The following PANK1 variants were observed in gnomAD, a reference collection of about 807,000 sequenced individuals.
PANK1 encodes pantothenate kinase 1.
A neutral mutation model predicts 40.1 loss-of-function variants in PANK1; 18 were observed. The ratio of observed to expected loss-of-function variants is 0.45; its 90% CI spans 0.31 to 0.67. PANK1 has a LOEUF of 0.67. Ranked by LOEUF, PANK1 falls within the 30% of genes least tolerant of loss-of-function variation. The pLI is 0.06. For missense variants in PANK1, 457 were observed against 599.6 expected (o/e 0.76, Z 2.48); for synonymous variants, 242 against 237.7 (o/e 1.02, Z -0.17).
chr10:89,594,081 T>A (rs1228902290), intron 3 of PANK1, 92 bp from the exon 4 acceptor site: 5 of 861,548 alleles, frequency 5.8e-6, no homozygotes, highest in Non-Finnish European at 9.4e-6. Flanking sequence ...TATGGGTGAA[T>A]AAAAGCAGAC....
At chr10:89,602,744 T>C (rs1454557209) in intron 2 of PANK1, among the ~76,000 whole-genome samples, 1 of 152,196 alleles carries the variant, frequency 6.6e-6, no homozygotes, top group Non-Finnish European at 1.5e-5. Context: ...CTTGACTAGA[T>C]GTAGAGTCAC....
At chr10:89,603,108 G>C (rs1307575475) in intron 2 of PANK1, among the ~76,000 whole-genome samples, 1 of 152,106 alleles carries the variant, frequency 6.6e-6, no homozygotes, top group African/African-American at 2.4e-5. Context: ...CAGGTCATTT[G>C]AACATACTTT....
intron 1 of PANK1, among the ~76,000 whole-genome samples, chr10:89,639,446 A>G (rs1453043420): frequency 6.6e-6 from 1 of 152,234 alleles, no homozygotes; most frequent in East Asian, 1.9e-4. Flanking sequence ...GATATCTTTT[A>G]CTATGCATGT....
intron 1 of PANK1, chr10:89,643,880 A>T: frequency 1.4e-6 from 2 of 1,437,652 alleles, no homozygotes; most frequent in Non-Finnish European, 1.8e-6. Flanking sequence ...TTGTGAAATA[A>T]TGCACTTCGG....
intron 3 of PANK1, among the ~76,000 whole-genome samples, chr10:89,595,816 T>TAAAAA (rs1192374008): frequency 0.014 from 573 of 40,794 alleles, 43 homozygotes; most frequent in African/African-American, 0.029. Flanking sequence ...GACTCCATCT[T>TAAAAA]AAAAAAAAAA....
intron 1 of PANK1, among the ~76,000 whole-genome samples, chr10:89,633,540 T>C (rs1294746474): frequency 6.6e-6 from 1 of 152,072 alleles, no homozygotes; most frequent in Non-Finnish European, 1.5e-5. Context: ...TAATTTTTTT[T>C]TTTAAATCAA....
chr10:89,639,252 G>A, intron 1 of PANK1: 1 of 449,528 alleles, frequency 2.2e-6, no homozygotes, highest in Non-Finnish European at 4.5e-6. Flanking sequence ...GCTTGAGAAA[G>A]GGCAAGAGAT....
At chr10:89,586,193 G>T (rs181615470) in intron 6 of PANK1, among the ~76,000 whole-genome samples, 6 of 152,280 alleles carry the variant, frequency 3.9e-5, no homozygotes. Context: ...TGGACTTATG[G>T]TTACCAGATA....
At position 89,611,906 on chromosome 10, in the gene PANK1, A is replaced by G. The variant is rs2133963968; in HGVS notation, c.435T>C (p.Ala145=). The G allele has an allele frequency of 3.7e-6, 6 of 1,614,170 alleles. No individual in the cohort carries two copies. The highest frequency in any genetic ancestry group is 5.1e-6 in the Non-Finnish European group (6 of 1,180,028). Residue 145 remains alanine (A), a synonymous_variant, in exon 2 of 7, where the codon GCT becomes GCC. Coordinates refer to ENST00000307534, the MANE Select transcript of PANK1 (RefSeq NM_148977.3). ...CGTCTCGGATCCCAGTTTTCCCATA[A>G]GCAGTATTAGAAGTCAAATACTTCC... ...SIRKYLTSNT[A]YGKTGIRDVH...
intron 1 of PANK1, among the ~76,000 whole-genome samples, chr10:89,635,267 A>G (rs1457542127): frequency 6.6e-6 from 1 of 152,084 alleles, no homozygotes; most frequent in Non-Finnish European, 1.5e-5. Flanking sequence ...ATGAACAGAA[A>G]TTTATCGGGC....
At chr10:89,612,096 A>C in intron 1 of PANK1, 48 bp from the exon 2 acceptor site, 2 of 1,456,642 alleles carry the variant, frequency 1.4e-6, no homozygotes, top group Non-Finnish European at 1.9e-6. Flanking sequence ...GCGTGCAAAG[A>C]AGTGTTCAGT....
chr10:89,593,296 T>C lies in PANK1; in HGVS notation c.1101A>G (p.Glu367=). ...ASSFGNMMSK[E]KRDSISKEDL... ...CTTCCTTGCTGATGGAATCTCGCTT[T>C]TCTTTACTCATCATGTTGCCAAAGC... The change falls in exon 5 of 7, where the codon GAA becomes GAG. Residue 367 remains glutamate (E), a synonymous_variant. Transcript: ENST00000307534. 6.2e-7 allele frequency: 1 copy of C among 1,613,814 alleles called. No individual in the cohort carries two copies. The highest frequency in any genetic ancestry group is 2.2e-5 in the East Asian group (1 of 44,878).
intron 1 of PANK1, among the ~76,000 whole-genome samples, chr10:89,642,247 T>C (rs1483656632): frequency 1.3e-5 from 2 of 152,234 alleles, no homozygotes; most frequent in Admixed American, 6.5e-5. Flanking sequence ...TCTGTTTTAT[T>C]CCATCCATCA....
intron 2 of PANK1, among the ~76,000 whole-genome samples, chr10:89,603,488 A>G (rs1364361321): frequency 2.0e-5 from 3 of 152,136 alleles, no homozygotes; most frequent in Non-Finnish European, 4.4e-5. Context: ...GACTGTATAG[A>G]TCCTGGCTGT....
At position 89,584,478 on chromosome 10, in the gene PANK1, T is replaced by C. The variant is rs760797274; in HGVS notation, c.1327-13A>G. 6.3e-7 allele frequency: 1 copy of C among 1,579,318 alleles called. No homozygotes were observed. Among genetic ancestry groups the C allele is most frequent in the South Asian group, 1.1e-5 (1 of 90,200 alleles). ...CTCCAAAATAACCCTACGAAAACAA[T>C]ACAAAACGATGATCTCTGAACCTTA... On this transcript the variant is annotated splice_polypyrimidine_tract_variant and intron_variant, in intron 6 of 6. Transcript: ENST00000307534.
At chr10:89,632,465 C>T (rs1232626999) in intron 1 of PANK1, among the ~76,000 whole-genome samples, 2 of 151,846 alleles carry the variant, frequency 1.3e-5, no homozygotes, top group Admixed American at 6.6e-5. Flanking sequence ...AAGGTACAAG[C>T]CTCAACTAAG....
At chr10:89,611,570 G>T (rs1845153627) in intron 2 of PANK1, 126 bp downstream of exon 2, 1 of 662,588 alleles carries the variant, frequency 1.5e-6, no homozygotes, top group Non-Finnish European at 2.6e-6. Flanking sequence ...GAAAACTGAG[G>T]CACAGAGCGG....
rs571372958 is a variant in PANK1, at chr10:89,611,328, T to G, written c.645+368A>C. ...CCATGGGTCTCTGTTTATATATGCATAAAGTTGGCATCACGATTATATAGT... is the reference window on the plus strand; with the variant it reads ...CCATGGGTCTCTGTTTATATATGCAGAAAGTTGGCATCACGATTATATAGT... On this transcript the variant is annotated intron_variant, in intron 2 of 6. Coordinates refer to ENST00000307534, the MANE Select transcript of PANK1 (RefSeq NM_148977.3). Among the ~76,000 whole-genome samples, 3 of 152,344 alleles carry G rather than the reference T, an allele frequency of 2.0e-5. No homozygotes were observed. The East Asian group carries it at 5.8e-4, about 29-fold the overall frequency.
At chr10:89,587,205 C>A (rs1045795950) in intron 6 of PANK1, among the ~76,000 whole-genome samples, 1 of 152,102 alleles carries the variant, frequency 6.6e-6, no homozygotes, top group African/African-American at 2.4e-5. Context: ...CACTAATGGT[C>A]AGGTACACTG....
Sources: gnomAD v4.1 joint callset for allele counts (sites outside exome capture counted in the v4.1 genomes callset) on GRCh38, gnomAD v4.1.1 for gene constraint, MANE v1.5 for transcripts, NCBI Gene and HGNC (gene_info 2026-07-23, HGNC 2026-07-21) for gene names.